TENM3: variants seen among roughly 807,000 people sequenced by gnomAD.
The protein encoded by TENM3 is teneurin-3.
In TENM3, 63 loss-of-function variants were observed where a neutral mutation model predicts 255.1. That is an observed-to-expected ratio of 0.25 (90% CI 0.20 to 0.30). TENM3 has a LOEUF of 0.30. Among genes scored for constraint, TENM3 ranks in the 10% least tolerant of loss-of-function variants. The probability of loss-of-function intolerance (pLI) is 1.00; values close to 1 mark genes in which losing one functional copy is unlikely to be tolerated. For missense variants in TENM3, 2,929 were observed against 3,461.1 expected, an observed-to-expected ratio of 0.85 and a Z score of 3.86; for synonymous variants, 1,306 against 1,322.3, an observed-to-expected ratio of 0.99 and a Z score of 0.27.
intron 3 of TENM3, among the ~76,000 whole-genome samples, chr4:182,547,906 A>G (rs918728064): frequency 6.6e-6 from 1 of 151,682 alleles, no homozygotes; most frequent in Non-Finnish European, 1.5e-5. Context: ...TAACCCAATC[A>G]TTTGCCATCT....
chr4:181,739,437 G>A, the TENM3 span, among the ~76,000 whole-genome samples: 2 of 152,106 alleles, frequency 1.3e-5, no homozygotes, highest in Non-Finnish European at 2.9e-5. Flanking sequence ...TTTCATATAT[G>A]ACATACTTGC....
In TENM3 at chr4:182,800,358, G is replaced by A. The variant is rs1009699000; in HGVS notation, c.*7G>A. On this transcript the variant is annotated 3_prime_UTR_variant, in exon 28 of 28. Coordinates refer to ENST00000511685, the MANE Select transcript of TENM3 (RefSeq NM_001080477.4). Reference sequence around the variant, plus strand: ...CGAGATCGGCAGGAGGTAACGCCCGGGCCGCGCCCGCCGAGCCGCTCACGC... The same window carrying A: ...CGAGATCGGCAGGAGGTAACGCCCGAGCCGCGCCCGCCGAGCCGCTCACGC... 1.3e-5 allele frequency: 19 copies of A among 1,516,118 alleles called. No homozygotes were observed. The African/African-American group carries it at 2.5e-4, about 20-fold the overall frequency. 93.9% of individuals were successfully genotyped at this position (1,516,118 alleles called of 1,614,324 possible). A position where few individuals can be genotyped will look rare whatever the true frequency, so the allele number is the denominator to read the frequency against.
the TENM3 span, among the ~76,000 whole-genome samples, chr4:181,579,943 TA>T: frequency 1.2e-4 from 2 of 17,150 alleles, 1 homozygote; most frequent in Non-Finnish European, 2.2e-4. Flanking sequence ...AATTTTATTT[TA>T]TTTTATTTTA....
At chr4:182,765,579 GTC>G (rs1454064055) in intron 22 of TENM3, among the ~76,000 whole-genome samples, 3 of 152,010 alleles carry the variant, frequency 2.0e-5, no homozygotes, top group Non-Finnish European at 4.4e-5. Flanking sequence ...TAACATCTTA[GTC>G]TCCATATTCT....
At chr4:182,205,391 C>T (rs1452462731) in intron 1 of TENM3, among the ~76,000 whole-genome samples, 1 of 152,248 alleles carries the variant, frequency 6.6e-6, no homozygotes, top group African/African-American at 2.4e-5. Context: ...TGACTTAGAG[C>T]TTCTCTCTGT....
intron 1 of TENM3, among the ~76,000 whole-genome samples, chr4:182,176,142 C>T (rs1356773183): frequency 3.8e-5 from 2 of 52,366 alleles, no homozygotes; most frequent in African/African-American, 2.3e-4. Flanking sequence ...TTGTATCACA[C>T]AGAAAAGACA....
chr4:182,169,105 GTGGGT>G (rs1751929550), intron 1 of TENM3, among the ~76,000 whole-genome samples: 1 of 83,292 alleles, frequency 1.2e-5, no homozygotes, highest in African/African-American at 4.5e-5. Flanking sequence ...ACACACACAC[GTGGGT>G]GTGAATGAAT....
At chr4:182,720,766 C>CT (rs11369655) in intron 13 of TENM3, among the ~76,000 whole-genome samples, 11,234 of 129,788 alleles carry the variant, frequency 0.087, 765 homozygotes, top group African/African-American at 0.17. Flanking sequence ...AGTCTCCCCT[C>CT]TTTTTTTTTT....
At chr4:181,938,974 A>G in the TENM3 span, among the ~76,000 whole-genome samples, 1 of 152,198 alleles carries the variant, frequency 6.6e-6, no homozygotes, top group African/African-American at 2.4e-5. Flanking sequence ...CGTTAGCACT[A>G]AAGAACAGAA....
At chr4:181,518,351 A>G in the TENM3 span, among the ~76,000 whole-genome samples, 1 of 151,752 alleles carries the variant, frequency 6.6e-6, no homozygotes, top group Non-Finnish European at 1.5e-5. Flanking sequence ...ATTTGACAAG[A>G]TGGTATATAT....
At chr4:181,574,758 A>G in the TENM3 span, among the ~76,000 whole-genome samples, 1 of 152,196 alleles carries the variant, frequency 6.6e-6, no homozygotes, top group African/African-American at 2.4e-5. Flanking sequence ...GGAACTTAGA[A>G]CTGGAGAGGG....
the TENM3 span, among the ~76,000 whole-genome samples, chr4:181,675,452 T>C: frequency 6.6e-6 from 1 of 152,160 alleles, no homozygotes; most frequent in Admixed American, 6.6e-5. Flanking sequence ...ATTATTACTA[T>C]CTGTTGCAAT....
the TENM3 span, among the ~76,000 whole-genome samples, chr4:181,907,480 T>C: frequency 2.6e-5 from 4 of 152,184 alleles, no homozygotes; most frequent in South Asian, 2.1e-4. Flanking sequence ...CATACAAGGC[T>C]TGTCTGCAGG....
chr4:181,809,119 T>C, the TENM3 span, among the ~76,000 whole-genome samples: 1 of 152,200 alleles, frequency 6.6e-6, no homozygotes. Flanking sequence ...AGGAGTGGCT[T>C]CAATGATTAG....
the TENM3 span, among the ~76,000 whole-genome samples, chr4:181,726,739 G>A: frequency 2.0e-5 from 3 of 152,212 alleles, no homozygotes; most frequent in South Asian, 2.1e-4. Context: ...TCTACCTTGC[G>A]ATAGTCAGAT....
chr4:182,082,029 A>T, the TENM3 span, among the ~76,000 whole-genome samples: 3 of 152,208 alleles, frequency 2.0e-5, no homozygotes, highest in Non-Finnish European at 4.4e-5. Flanking sequence ...TTACTTGCTT[A>T]GGGTTATTTA....
chr4:182,304,129 A>AG (rs1269782421), intron 1 of TENM3, among the ~76,000 whole-genome samples: 2 of 152,116 alleles, frequency 1.3e-5, no homozygotes, highest in Non-Finnish European at 2.9e-5. Flanking sequence ...GTAAAAAAAA[A>AG]AAGAAGTCAA....
the TENM3 span, among the ~76,000 whole-genome samples, chr4:181,709,442 G>A: frequency 1.4e-4 from 21 of 152,242 alleles, no homozygotes; most frequent in Admixed American, 1.0e-3. Flanking sequence ...AGAGAGGTAG[G>A]AAAGTGTGAG....
At chr4:182,149,526 A>G (rs1750191066) in intron 1 of TENM3, among the ~76,000 whole-genome samples, 1 of 152,058 alleles carries the variant, frequency 6.6e-6, no homozygotes, top group Admixed American at 6.6e-5. Flanking sequence ...TGAACTCATA[A>G]GTCATATGAG....
Sources: allele counts gnomAD v4.1 joint callset (sites outside exome capture counted in the v4.1 genomes callset), GRCh38; gene constraint gnomAD v4.1.1; transcripts MANE v1.5; gene names NCBI Gene and HGNC (gene_info 2026-07-23, HGNC 2026-07-21).